The following RANBP17 variants were observed in gnomAD, a reference collection of about 807,000 sequenced individuals.
RANBP17 encodes the protein RAN binding protein 17.
RANBP17 carries 158 observed loss-of-function variants against 141.2 expected under a neutral mutation model. That is an observed-to-expected ratio of 1.12 (90% confidence interval 0.98 to 1.28). The LOEUF is 1.28. Ranked by LOEUF, RANBP17 falls within the 50% of genes most tolerant of loss-of-function variation. The pLI is 0.00. For missense variants in RANBP17, 1,438 were observed against 1,290.7 expected, an observed-to-expected ratio of 1.11 and a Z score of -1.75; for synonymous variants, 430 against 450.0, an observed-to-expected ratio of 0.96 and a Z score of 0.56.
At chr5:170,877,447 A>G (rs1312112858) in intron 1 of RANBP17, among the ~76,000 whole-genome samples, 1 of 152,056 alleles carries the variant, frequency 6.6e-6, no homozygotes, top group Non-Finnish European at 1.5e-5. Flanking sequence ...TTGTATTTGT[A>G]GAGGGGATTT....
chr5:171,272,223 C>T (rs1024841340), intron 25 of RANBP17, among the ~76,000 whole-genome samples: 2 of 152,144 alleles, frequency 1.3e-5, no homozygotes, highest in African/African-American at 4.8e-5. Context: ...GAAGATCAAA[C>T]AACTACCTAT....
At chr5:170,903,994 T>C in intron 5 of RANBP17, 1 of 483,438 alleles carries the variant, frequency 2.1e-6, no homozygotes, top group South Asian at 1.8e-5. Flanking sequence ...ACTAAAAGAT[T>C]GGATCAGATG....
chr5:171,074,552 C>A (rs1348428358), intron 14 of RANBP17, among the ~76,000 whole-genome samples: 2 of 152,140 alleles, frequency 1.3e-5, no homozygotes, highest in African/African-American at 2.4e-5. Flanking sequence ...TTAGGAGAAG[C>A]TCAATAGAGG....
rs1300563040 is a variant in RANBP17 at position 170,909,681 on chromosome 5, A to G, written c.510A>G (p.Ser170=). The G allele has an allele frequency of 1.3e-6, 2 of 1,581,242 alleles. No homozygotes were observed. The highest frequency in any genetic ancestry group is 4.5e-5 in the East Asian group (2 of 44,114). The change falls in exon 6 of 28, where the codon TCA becomes TCG. Residue 170 remains serine (S), a synonymous_variant. Transcript: ENST00000523189. The part of the protein sequence containing the change: ...EMNLVDYSRP[S]AKHRKIATSF... ...TTTAGGTTGATTATTCTAGACCTTC[A>G]GCAAAACACAGGAAAATAGCTACCT... is the stretch of plus-strand genomic sequence containing the variant.
At chr5:171,052,872 G>T (rs1783045188) in intron 14 of RANBP17, among the ~76,000 whole-genome samples, 1 of 151,942 alleles carries the variant, frequency 6.6e-6, no homozygotes, top group African/African-American at 2.4e-5. Flanking sequence ...CTTTTTTTGA[G>T]ATGGAGTTTC....
intron 14 of RANBP17, among the ~76,000 whole-genome samples, chr5:170,991,130 T>C (rs1464765158): frequency 6.6e-6 from 1 of 151,994 alleles, no homozygotes; most frequent in Non-Finnish European, 1.5e-5. Context: ...CAATTTTTAA[T>C]ATGCAATAAT....
chr5:170,921,588 T>C (rs527538232), intron 11 of RANBP17, among the ~76,000 whole-genome samples: 6 of 152,200 alleles, frequency 3.9e-5, no homozygotes, highest in Non-Finnish European at 7.3e-5. Flanking sequence ...TTTGGTTCCA[T>C]ATGAACTTTA....
intron 14 of RANBP17, among the ~76,000 whole-genome samples, chr5:171,132,381 T>C (rs1006139262): frequency 6.6e-6 from 1 of 151,608 alleles, no homozygotes; most frequent in Non-Finnish European, 1.5e-5. Context: ...TTAGTTGTTT[T>C]TTTTTTTTTA....
chr5:171,068,811 C>A (rs963310760), intron 14 of RANBP17, among the ~76,000 whole-genome samples: 7 of 152,096 alleles, frequency 4.6e-5, no homozygotes, highest in African/African-American at 1.7e-4. Flanking sequence ...AGGTCAAACT[C>A]TTGACCTCAA....
intron 25 of RANBP17, among the ~76,000 whole-genome samples, chr5:171,292,349 T>C (rs183800774): frequency 1.3e-5 from 2 of 152,354 alleles, no homozygotes; most frequent in Non-Finnish European, 2.9e-5. Flanking sequence ...TAAATGTTTA[T>C]AGCACTTTTT....
In RANBP17 at chr5:171,290,134, G is replaced by A. The variant is rs577427359; in HGVS notation, c.2944-3749G>A. 2.3e-4 allele frequency among the ~76,000 whole-genome samples: 35 copies of A among 151,752 alleles called. No individual in the cohort carries two copies. In the South Asian group the frequency reaches 5.4e-3, roughly 24 times the overall value. On this transcript the variant is annotated intron_variant, in intron 25 of 27. Transcript: ENST00000523189. Reference sequence around the variant, plus strand: ...CTGTAATCCCAGCACTTTGGGAGGCGGAGGCAGGTGGATCACGAGGTCAGG... The same window carrying A: ...CTGTAATCCCAGCACTTTGGGAGGCAGAGGCAGGTGGATCACGAGGTCAGG...
At chr5:171,007,735 C>T (rs1779751204) in intron 14 of RANBP17, among the ~76,000 whole-genome samples, 1 of 152,078 alleles carries the variant, frequency 6.6e-6, no homozygotes, top group South Asian at 2.1e-4. Flanking sequence ...CATTTAGAAC[C>T]ATTGTCGAGT....
intron 14 of RANBP17, among the ~76,000 whole-genome samples, chr5:171,016,756 G>T (rs1780460034): frequency 6.6e-6 from 1 of 151,518 alleles, no homozygotes. Flanking sequence ...TTGTTTCCCT[G>T]TGATTTATAA....
chr5:171,115,060 C>T (rs1185780802), intron 14 of RANBP17, among the ~76,000 whole-genome samples: 1 of 151,768 alleles, frequency 6.6e-6, no homozygotes, highest in Non-Finnish European at 1.5e-5. Flanking sequence ...GTGATTATGC[C>T]ACTGCACTCC....
chr5:171,054,956 G>A (rs1783242493), intron 14 of RANBP17, among the ~76,000 whole-genome samples: 1 of 152,110 alleles, frequency 6.6e-6, no homozygotes, highest in Non-Finnish European at 1.5e-5. Flanking sequence ...TATGCTGAGG[G>A]CCATTCATAA....
chr5:171,039,904 C>T (rs1328490961), intron 14 of RANBP17, among the ~76,000 whole-genome samples: 5 of 151,980 alleles, frequency 3.3e-5, no homozygotes, highest in East Asian at 3.9e-4. Flanking sequence ...CAATAAAAGC[C>T]GCAGATCAGA....
intron 25 of RANBP17, among the ~76,000 whole-genome samples, chr5:171,272,068 T>C (rs980312479): frequency 9.2e-5 from 14 of 152,176 alleles, no homozygotes; most frequent in Non-Finnish European, 2.1e-4. Flanking sequence ...TGGAGGCTAT[T>C]ATCCTAAGCG....
chr5:171,261,843 TAAAG>T (rs1248192012), intron 24 of RANBP17, among the ~76,000 whole-genome samples: 4 of 152,174 alleles, frequency 2.6e-5, no homozygotes, highest in Non-Finnish European at 4.4e-5. Flanking sequence ...GAGCTGCAAA[TAAAG>T]AAAACCAATA....
intron 25 of RANBP17, among the ~76,000 whole-genome samples, chr5:171,276,595 G>A (rs1019414268): frequency 1.3e-5 from 2 of 152,138 alleles, no homozygotes; most frequent in African/African-American, 4.8e-5. Flanking sequence ...AAAGGGGACT[G>A]TAATCTGTCA....
Sources: allele counts gnomAD v4.1 joint callset (sites outside exome capture counted in the v4.1 genomes callset), GRCh38; gene constraint gnomAD v4.1.1; transcripts MANE v1.5; gene names NCBI Gene and HGNC (gene_info 2026-07-23, HGNC 2026-07-21).